HYCC2: variants seen among roughly 807,000 people sequenced by gnomAD.
HYCC2 encodes the protein hyccin PI4KA lipid kinase complex subunit 2.
chr2:201,049,352 T>A, the HYCC2 span, among the ~76,000 whole-genome samples: 1 of 152,138 alleles, frequency 6.6e-6, no homozygotes, highest in South Asian at 2.1e-4. Context: ...TTTTCTTTTT[T>A]CTTTTCTTTT....
the HYCC2 span, chr2:201,022,071 A>G: frequency 7.8e-7 from 1 of 1,289,696 alleles, no homozygotes; most frequent in South Asian, 1.2e-5. Flanking sequence ...GAACTTCTTC[A>G]AACTCACTCC....
the HYCC2 span, among the ~76,000 whole-genome samples, chr2:201,045,846 G>A: frequency 6.6e-5 from 10 of 152,122 alleles, no homozygotes; most frequent in Non-Finnish European, 1.2e-4. Context: ...AAGACCTTGA[G>A]TAGATTACTT....
At chr2:201,020,006 T>C in the HYCC2 span, among the ~76,000 whole-genome samples, 1 of 151,832 alleles carries the variant, frequency 6.6e-6, no homozygotes, top group Admixed American at 6.6e-5. Flanking sequence ...ATCACATGAG[T>C]CCAGGAGTTT....
chr2:200,982,230 GAAAA>G, the HYCC2 span, among the ~76,000 whole-genome samples: 4 of 119,106 alleles, frequency 3.4e-5, no homozygotes, highest in Non-Finnish European at 7.2e-5. Flanking sequence ...CTACCTACTG[GAAAA>G]AAAAAAAAAA....
the HYCC2 span, among the ~76,000 whole-genome samples, chr2:201,043,708 C>T: frequency 6.6e-6 from 1 of 151,900 alleles, no homozygotes; most frequent in Admixed American, 6.6e-5. Flanking sequence ...CAGGGATTCA[C>T]TGTGCTAGCC....
At chr2:201,063,686 G>A in the HYCC2 span, 16 of 1,576,822 alleles carry the variant, frequency 1.0e-5, no homozygotes, top group Non-Finnish European at 2.6e-6. Context: ...AAGTGGTTCT[G>A]GAAACTTTGG....
At chr2:200,976,567 TGAAA>T in the HYCC2 span, 1 of 152,154 alleles carries the variant, frequency 6.6e-6, no homozygotes, top group Admixed American at 6.5e-5. Flanking sequence ...CAAAACAATC[TGAAA>T]GAAGTTATTC....
chr2:201,051,774 A>T, the HYCC2 span, among the ~76,000 whole-genome samples: 1 of 152,210 alleles, frequency 6.6e-6, no homozygotes, highest in Non-Finnish European at 1.5e-5. Context: ...GGTATTAAGC[A>T]TATGTATTGC....
At chr2:201,063,483 A>T in the HYCC2 span, 15 of 1,592,030 alleles carry the variant, frequency 9.4e-6, no homozygotes, top group Non-Finnish European at 1.3e-5. Flanking sequence ...GGAAAAATTG[A>T]AGTGATTGAA....
chr2:201,068,529 C>A, the HYCC2 span, among the ~76,000 whole-genome samples: 7 of 152,132 alleles, frequency 4.6e-5, no homozygotes, highest in Non-Finnish European at 8.8e-5. Flanking sequence ...ACATCTACCC[C>A]CTTCACACTC....
chr2:201,016,913 T>C, the HYCC2 span: 10 of 1,445,302 alleles, frequency 6.9e-6, no homozygotes, highest in South Asian at 1.3e-5. Flanking sequence ...TTTATTTTTC[T>C]CTAAACATTC....
the HYCC2 span, among the ~76,000 whole-genome samples, chr2:201,060,693 T>C: frequency 1.3e-5 from 2 of 152,320 alleles, no homozygotes; most frequent in East Asian, 3.9e-4. Context: ...ATTTCTTATC[T>C]CTGTTTCCGG....
the HYCC2 span, among the ~76,000 whole-genome samples, chr2:201,021,062 G>A: frequency 7.0e-4 from 107 of 151,984 alleles, no homozygotes; most frequent in African/African-American, 2.4e-3. Context: ...ACACTGCGCC[G>A]GCAACTATTT....
the HYCC2 span, among the ~76,000 whole-genome samples, chr2:201,040,908 A>AC: frequency 1.3e-5 from 2 of 152,046 alleles, no homozygotes. Flanking sequence ...GACCTTATGG[A>AC]CCCCCTTAAA....
the HYCC2 span, among the ~76,000 whole-genome samples, chr2:201,026,703 C>A: frequency 6.6e-6 from 1 of 152,158 alleles, no homozygotes; most frequent in Non-Finnish European, 1.5e-5. Flanking sequence ...ATAACCTGCT[C>A]CTGAATGACT....
chr2:201,033,159 ATGTGTGTGTGTGTG>A, the HYCC2 span, among the ~76,000 whole-genome samples: 4 of 117,940 alleles, frequency 3.4e-5, no homozygotes, highest in Middle Eastern at 4.1e-3. Flanking sequence ...ATGTGTGTGT[ATGTGTGTGTGTGTG>A]TGTGTGTGTG....
chr2:201,019,132 T>G, the HYCC2 span, among the ~76,000 whole-genome samples: 9 of 152,208 alleles, frequency 5.9e-5, no homozygotes, highest in Non-Finnish European at 1.3e-4. Context: ...TAAAAAACTG[T>G]TGCTCTCACA....
chr2:201,043,531 CAG>C, the HYCC2 span, among the ~76,000 whole-genome samples: 2 of 139,366 alleles, frequency 1.4e-5, no homozygotes, highest in South Asian at 4.4e-4. Context: ...TTTTTTGAGA[CAG>C]AGTCTCACTC....
At chr2:201,042,613 C>A in the HYCC2 span, among the ~76,000 whole-genome samples, 1 of 150,958 alleles carries the variant, frequency 6.6e-6, no homozygotes, top group Non-Finnish European at 1.5e-5. Context: ...GCAGCCGCCC[C>A]GTCTGGGGGA....
Sources: gnomAD v4.1 joint callset for allele counts (sites outside exome capture counted in the v4.1 genomes callset) on GRCh38, gnomAD v4.1.1 for gene constraint, MANE v1.5 for transcripts, NCBI Gene and HGNC (gene_info 2026-07-23, HGNC 2026-07-21) for gene names.